SP3: variants seen among roughly 807,000 people sequenced by gnomAD.
The protein encoded by SP3 is Sp3 transcription factor.
In SP3, 10 loss-of-function variants were observed where a neutral mutation model predicts 70.3. That is an observed-to-expected ratio of 0.14 (90% CI 0.09 to 0.24). The LOEUF (loss-of-function observed/expected upper bound fraction) is 0.24, where lower values mean the gene tolerates loss of function less well. Among genes scored for constraint, SP3 ranks in the 10% least tolerant of loss-of-function variants. The pLI is 1.00. For missense variants in SP3, 825 were observed against 914.6 expected (o/e 0.90, Z 1.26); for synonymous variants, 402 against 333.5 (o/e 1.21, Z -2.24).
chr2:173,930,946 T>C (rs1369990663), intron 4 of SP3, among the ~76,000 whole-genome samples: 3 of 152,200 alleles, frequency 2.0e-5, no homozygotes, highest in Non-Finnish European at 2.9e-5. Context: ...TAACCTAATA[T>C]AGACATACCT....
intron 4 of SP3, among the ~76,000 whole-genome samples, chr2:173,940,497 C>A (rs1690340510): frequency 6.6e-6 from 1 of 152,104 alleles, no homozygotes; most frequent in African/African-American, 2.4e-5. Flanking sequence ...GGGTGCAAGA[C>A]CCCTGGTCTA....
chr2:173,965,091 G>T, intron 1 of SP3, 74 bp downstream of exon 1: 11 of 1,537,874 alleles, frequency 7.2e-6, no homozygotes, highest in Non-Finnish European at 9.7e-6. Context: ...GGCGGCAGCG[G>T]CCCCGGGCTG....
chr2:173,948,691 AAT>A (rs1690619925), intron 4 of SP3, among the ~76,000 whole-genome samples: 1 of 151,732 alleles, frequency 6.6e-6, no homozygotes, highest in South Asian at 2.1e-4. Flanking sequence ...ATATTTCCAT[AAT>A]GTTTTTGTTT....
intron 4 of SP3, among the ~76,000 whole-genome samples, chr2:173,945,361 A>G (rs954052878): frequency 2.0e-5 from 3 of 152,196 alleles, no homozygotes; most frequent in Admixed American, 6.5e-5. Context: ...ACTACACCTC[A>G]AAGTTTCTAA....
rs1273304507 is a variant in SP3, at chr2:173,907,551, A to G, written c.*2390T>C. 6.6e-6 allele frequency: 1 copy of G among 152,132 alleles called. No individual in the cohort carries two copies. Among genetic ancestry groups the G allele is most frequent in the Non-Finnish European group, 1.5e-5 (1 of 67,980 alleles). 9.4% of individuals were successfully genotyped at this position (152,132 alleles called of 1,614,324 possible). On this transcript the variant is annotated 3_prime_UTR_variant, in exon 7 of 7. Coordinates refer to ENST00000310015, the MANE Select transcript of SP3 (RefSeq NM_003111.5). Reference sequence around the variant, plus strand: ...CAAGACTACTTACTTTCTTCATTGCATTCATTCTCCACGAATTCATAAAAT... The same window carrying G: ...CAAGACTACTTACTTTCTTCATTGCGTTCATTCTCCACGAATTCATAAAAT...
At chr2:173,962,557 AAAC>A (rs1256333601) in intron 3 of SP3, among the ~76,000 whole-genome samples, 1 of 152,232 alleles carries the variant, frequency 6.6e-6, no homozygotes, top group Non-Finnish European at 1.5e-5. Flanking sequence ...GCTTATGAAA[AAAC>A]AAGACATTAA....
At chr2:173,931,437 G>A (rs949385130) in intron 4 of SP3, among the ~76,000 whole-genome samples, 4 of 152,228 alleles carry the variant, frequency 2.6e-5, no homozygotes, top group South Asian at 2.1e-4. Context: ...TCCACCTCCC[G>A]GGTTCAAGCG....
intron 4 of SP3, among the ~76,000 whole-genome samples, chr2:173,933,649 TATATATATATATATATATATATAAA>T: frequency 7.4e-6 from 1 of 135,620 alleles, no homozygotes; most frequent in East Asian, 2.1e-4. Flanking sequence ...TATATATATA[TATATATATATATATATATATATAAA>T]AGTTATAAAG....
intron 3 of SP3, among the ~76,000 whole-genome samples, chr2:173,959,904 CCTTT>C (rs1691009936): frequency 6.6e-6 from 1 of 152,210 alleles, no homozygotes; most frequent in Non-Finnish European, 1.5e-5. Context: ...TCTCTCAGTA[CCTTT>C]CTTACCGGAC....
chr2:173,963,071 CAT>C (rs1328808636), intron 3 of SP3: 2 of 152,178 alleles, frequency 1.3e-5, no homozygotes, highest in Non-Finnish European at 2.9e-5. Context: ...ATTCCTTACA[CAT>C]ACTTTTCTAA....
chr2:173,965,654 A>T (rs1691274112), upstream of SP3: 1 of 180,300 alleles, frequency 5.5e-6, no homozygotes, highest in Non-Finnish European at 1.2e-5. Context: ...CGCTCGGAGC[A>T]GGCCTAGCCA....
rs145154111 is a variant in SP3 at position 173,928,679 on chromosome 2, T to C, written c.1640-9894A>G. Among the ~76,000 whole-genome samples the C allele has an allele frequency of 3.3e-3, 507 of 152,296 alleles. 6 individuals are homozygous for C. The highest frequency in any genetic ancestry group is 6.7e-3 in the Admixed American group (102 of 15,298). Reference sequence around the variant, plus strand: ...AACCCCTAGTTATTTACAAGCTTCATTGTTTTCTATTTTCCCGTGTCTGCT... The same window carrying C: ...AACCCCTAGTTATTTACAAGCTTCACTGTTTTCTATTTTCCCGTGTCTGCT... On this transcript the variant is annotated intron_variant, in intron 4 of 6. Transcript: ENST00000310015.
Position 173,900,865 on chromosome 2 carries a change from T to C in SP3, c.*9076A>G. Among the ~76,000 whole-genome samples, 1 of 152,312 alleles carries C rather than the reference T, an allele frequency of 6.6e-6. No individual in the cohort carries two copies. Among genetic ancestry groups the C allele is most frequent in the South Asian group, 2.1e-4 (1 of 4,834 alleles). On this transcript the variant is annotated 3_prime_UTR_variant, in exon 7 of 7. Coordinates refer to ENST00000310015, the MANE Select transcript of SP3 (RefSeq NM_003111.5). The stretch of plus-strand genomic sequence containing the variant: ...AATTATCATGGATAGAAAGATAACA[T>C]TCTTTCCCCAAATTAATCTATAGAT...
rs1421933195 is a variant in SP3 at position 173,955,440 on chromosome 2, T to A, written c.1072A>T (p.Thr358Ser). The A allele has an allele frequency of 6.2e-7, 1 of 1,614,126 alleles. No individual in the cohort carries two copies. Among genetic ancestry groups the A allele is most frequent in the Admixed American group, 1.7e-5 (1 of 59,996 alleles). ...GAAGAATGAACCTGCCCACTAGATG[T>A]AGTCAAGCTATTTGTGTTTTGTTGT... ...ILQQNTNSLTTSSGQVHSSDL... is the reference protein window; with the variant it reads ...ILQQNTNSLTSSSGQVHSSDL... Residue 358 changes from threonine (T) to serine (S), a missense_variant, in exon 4 of 7, where the codon ACA becomes TCA. Thr to Ser is a moderately conservative substitution (Grantham distance 58). This residue lies in a region of SP3 where 678 missense variants were observed against 651.6 expected (regional missense o/e 1.04). Transcript: ENST00000310015.
intron 4 of SP3, among the ~76,000 whole-genome samples, chr2:173,944,820 CA>C (rs918213870): frequency 2.0e-5 from 3 of 151,088 alleles, no homozygotes; most frequent in African/African-American, 7.3e-5. Flanking sequence ...CAAAACAAAC[CA>C]AAAAAAACCA....
At chr2:173,926,389 A>T (rs550982290) in intron 4 of SP3, among the ~76,000 whole-genome samples, 29 of 152,224 alleles carry the variant, frequency 1.9e-4, no homozygotes, top group Non-Finnish European at 3.7e-4. Context: ...AGATATATAT[A>T]TTTTCTTCCA....
At chr2:173,964,772 T>TCCCTCCTCCTCCTCCTC in intron 1 of SP3, 1 of 421,856 alleles carries the variant, frequency 2.4e-6, no homozygotes, top group Non-Finnish European at 4.2e-6. Context: ...TCCTCCTCTT[T>TCCCTCCTCCTCCTCCTC]CCCTCCTCCT....
intron 3 of SP3, among the ~76,000 whole-genome samples, chr2:173,957,328 C>T (rs1402054028): frequency 1.3e-5 from 2 of 151,836 alleles, no homozygotes; most frequent in African/African-American, 4.8e-5. Flanking sequence ...CACATCCATG[C>T]TAATACAATG....
At chr2:173,963,669 G>A (rs898373094) in intron 3 of SP3, 92 bp downstream of exon 3, 4 of 330,284 alleles carry the variant, frequency 1.2e-5, no homozygotes, top group African/African-American at 2.2e-5. Flanking sequence ...GGGGAAGCGC[G>A]GGCGCCGGGG....
Sources: gnomAD v4.1 joint callset for allele counts (sites outside exome capture counted in the v4.1 genomes callset) on GRCh38, gnomAD v4.1.1 for gene constraint, gnomAD v4.1.1 regional missense constraint, MANE v1.5 for transcripts, NCBI Gene and HGNC (gene_info 2026-07-23, HGNC 2026-07-21) for gene names.